SELE: variants seen among roughly 807,000 people sequenced by gnomAD.
SELE encodes E-selectin.
SELE carries 52 observed loss-of-function variants against 75.8 expected under a neutral mutation model. That is an observed-to-expected ratio of 0.69 (90% CI 0.55 to 0.86). The LOEUF is 0.86. Among genes scored for constraint, SELE ranks in the 40% least tolerant of loss-of-function variants. SELE has a pLI of 0.00. For missense variants in SELE, 754 were observed against 732.7 expected, an observed-to-expected ratio of 1.03 and a Z score of -0.34; for synonymous variants, 285 against 258.7, an observed-to-expected ratio of 1.10 and a Z score of -0.98.
At position 169,729,329 on chromosome 1, in the gene SELE, C is replaced by T; in HGVS notation, c.947G>A (p.Arg316Lys). The change falls in exon 7 of 14, where the codon AGG becomes AAG. Residue 316 changes from arginine to lysine, a missense_variant. Physicochemically the swap from Arg to Lys is conservative, Grantham distance 26 (BLOSUM62 2). Coordinates refer to ENST00000333360, the MANE Select transcript of SELE (RefSeq NM_000450.2). ...AVRQPQNGSVRCSHSPAGEFT... is the reference protein window; with the variant it reads ...AVRQPQNGSVKCSHSPAGEFT... ...CTCTCCAGCAGGGGAATGGCTGCAC[C>T]TCACAGAGCCATTCTGAGGCTGGCG... is the stretch of plus-strand genomic sequence containing the variant. 1.2e-6 allele frequency: 2 copies of T among 1,614,056 alleles called. No individual in the cohort carries two copies. Among genetic ancestry groups the T allele is most frequent in the South Asian group, 2.2e-5 (2 of 91,080 alleles).
intron 13 of SELE, 55 bp downstream of exon 13, chr1:169,725,674 A>G (rs1030678727): frequency 6.9e-7 from 1 of 1,454,200 alleles, no homozygotes; most frequent in African/African-American, 1.4e-5. Flanking sequence ...AAGGAGAAAC[A>G]GAGCATGTAG....
chr1:169,729,512 C>A lies in SELE; in HGVS notation c.877G>T (p.Asp293Tyr). The change falls in exon 6 of 14, where the codon GAC (aspartate) becomes TAC (tyrosine). Residue 293 changes from aspartate (D) to tyrosine (Y), a missense_variant. Transcript: ENST00000333360. ...SLQCTSSGNW[D>Y]NEKPTCKAVT... is the part of the protein sequence containing the mutation. The stretch of plus-strand genomic sequence containing the variant: ...CCTTTACACGTTGGCTTCTCGTTGT[C>A]CCAATTCCCAGATGAGGTACACTGA... The A allele has an allele frequency of 6.2e-7, 1 of 1,614,122 alleles. No individual in the cohort carries two copies. The highest frequency in any genetic ancestry group is 8.5e-7 in the Non-Finnish European group (1 of 1,179,982).
rs202228237 is a variant in SELE, at chr1:169,730,509, C to G, written c.638G>C (p.Gly213Ala). Residue 213 changes from glycine to alanine, a missense_variant, in exon 5 of 14, where the codon GGT becomes GCT. Gly to Ala is a moderately conservative substitution (Grantham distance 60). Transcript: ENST00000333360. Reference protein sequence around the residue: ...NSSCSISCDRGYLPSSMETMQ... With the variant: ...NSSCSISCDRAYLPSSMETMQ... ...GGTCTCCATGCTGCTTGGCAGGTAA[C>G]CCCTATCACAGCTGATAGAGCAGGA... is the stretch of plus-strand genomic sequence containing the variant. 6.2e-7 allele frequency: 1 copy of G among 1,613,946 alleles called. No individual in the cohort carries two copies. The highest frequency in any genetic ancestry group is 1.7e-5 in the Admixed American group (1 of 60,014).
rs1468291099 is a variant in SELE, at chr1:169,725,796, C to A, written c.1781G>T (p.Cys594Phe). ...KAKKFVPASS[C>F]QSLESDGSYQ... ...GCTTCCATCTGATTCAAGGCTTTGG[C>A]AGCTGCTGTGGAATACATGAGAACA... The change falls in exon 13 of 14, where the codon TGC (cysteine) becomes TTC (phenylalanine). Residue 594 changes from cysteine to phenylalanine, a missense_variant. Physicochemically the swap from Cys to Phe is radical, Grantham distance 205. Transcript: ENST00000333360. 1.9e-6 allele frequency: 3 copies of A among 1,614,050 alleles called. No individual in the cohort carries two copies. In the South Asian group the frequency reaches 3.3e-5, roughly 18 times the overall value.
chr1:169,732,424 G>GTA lies in SELE; in HGVS notation c.421+189_421+190dup, dbSNP rs1324395482. Among the ~76,000 whole-genome samples the GTA allele has an allele frequency of 2.7e-5, 4 of 146,142 alleles. No individual in the cohort carries two copies. The South Asian group carries it at 8.8e-4, about 32-fold the overall frequency. On this transcript the variant is annotated intron_variant, in intron 3 of 13. Transcript: ENST00000333360. Reference sequence around the variant, plus strand: ...TGTGTGTGTATATATGTGTGTGTGTGTATATATATACATATCCACATATTC... The same window carrying GTA: ...TGTGTGTGTATATATGTGTGTGTGTGTATATATATATACATATCCACATATTC...
At chr1:169,731,806 G>T in intron 4 of SELE, 29 bp downstream of exon 4, 1 of 1,489,144 alleles carries the variant, frequency 6.7e-7, no homozygotes, top group Non-Finnish European at 9.4e-7. Flanking sequence ...ACCATCTCAA[G>T]TGAAGAAAGA....
At chr1:169,730,372 A>G in intron 5 of SELE, 60 bp downstream of exon 5, 1 of 1,376,740 alleles carries the variant, frequency 7.3e-7, no homozygotes, top group African/African-American at 1.4e-5. Context: ...GTTGAATCAA[A>G]AAACAGAAGC....
intron 8 of SELE, 43 bp from the exon 9 acceptor site, chr1:169,727,970 C>G: frequency 6.3e-7 from 1 of 1,594,176 alleles, no homozygotes; most frequent in Admixed American, 1.8e-5. Flanking sequence ...GTTTGCATCT[C>G]CAGCAATACG....
Position 169,731,866 on chromosome 1 carries a change from G to T in SELE, c.498C>A (p.Asp166Glu). 1 of 1,613,508 alleles carries T rather than the reference G, an allele frequency of 6.2e-7. No individual in the cohort carries two copies. The highest frequency in any genetic ancestry group is 8.5e-7 in the Non-Finnish European group (1 of 1,179,482). The change falls in exon 4 of 14, where the codon GAC becomes GAA. Residue 166 changes from aspartate (D) to glutamate (E), a missense_variant. Physicochemically the swap from Asp to Glu is conservative, Grantham distance 45. Coordinates refer to ENST00000333360, the MANE Select transcript of SELE (RefSeq NM_000450.2). ...CACACTTGAGTCCACTGAAGCCAGG[G>T]TCACACTTGCAAGTGTAATTATTGA... is the stretch of plus-strand genomic sequence containing the variant. ...ETINNYTCKC[D>E]PGFSGLKCEQ...
At chr1:169,731,974 C>T (rs1361135158) in intron 3 of SELE, 32 bp from the exon 4 acceptor site, 1 of 1,403,814 alleles carries the variant, frequency 7.1e-7, no homozygotes, top group African/African-American at 1.4e-5. Flanking sequence ...ATGAGGAGGA[C>T]TATTACTGTG....
rs1469467726 is a variant in SELE at position 169,729,368 on chromosome 1, G to A, written c.908C>T (p.Thr303Ile). 6 of 1,613,608 alleles carry A rather than the reference G, an allele frequency of 3.7e-6. No homozygotes were observed. Among genetic ancestry groups the A allele is most frequent in the Non-Finnish European group, 3.4e-6 (4 of 1,179,770 alleles). The part of the protein sequence containing the change: ...DNEKPTCKAV[T>I]CRAVRQPQNG... ...CTGAGGCTGGCGGACGGCCCTGCAT[G>A]TCACAGCTGTAACAAATATACGCAT... Residue 303 changes from threonine to isoleucine, a missense_variant, in exon 7 of 14, where the codon ACA becomes ATA. Thr to Ile is a moderately conservative substitution (Grantham distance 89). Coordinates refer to ENST00000333360, the MANE Select transcript of SELE (RefSeq NM_000450.2).
chr1:169,725,718 A>G lies in SELE; in HGVS notation c.*15+11T>C. ...CCTCTCTCATAACCATTTGTGATTTACAAGTCTTACCTGATTCTTTTGAAC... is the reference window on the plus strand; with the variant it reads ...CCTCTCTCATAACCATTTGTGATTTGCAAGTCTTACCTGATTCTTTTGAAC... On this transcript the variant is annotated intron_variant, in intron 13 of 13. Transcript: ENST00000333360. 6.2e-7 allele frequency: 1 copy of G among 1,607,274 alleles called. No individual in the cohort carries two copies. Among genetic ancestry groups the G allele is most frequent in the Non-Finnish European group, 8.5e-7 (1 of 1,173,988 alleles).
chr1:169,726,612 A>T, intron 11 of SELE, 87 bp downstream of exon 11: 1 of 922,004 alleles, frequency 1.1e-6, no homozygotes, highest in Non-Finnish European at 1.7e-6. Context: ...ATTATTGTTT[A>T]AATCAGTAAG....
Position 169,723,957 on chromosome 1 carries a change from A to T in SELE, c.*568T>A, listed in dbSNP as rs902627023. The T allele has an allele frequency of 2.0e-5, 3 of 152,232 alleles. No homozygotes were observed. Among genetic ancestry groups the T allele is most frequent in the African/African-American group, 4.8e-5 (2 of 41,458 alleles). 9.4% of individuals were successfully genotyped at this position (152,232 alleles called of 1,614,324 possible). A position where few individuals can be genotyped will look rare whatever the true frequency, so the allele number is the denominator to read the frequency against. ...TTAAATTGTGCATAGTAACCCTCGC[A>T]CAGAGCATTCAGTAGGATTTGCACC... is the stretch of plus-strand genomic sequence containing the variant. On this transcript the variant is annotated 3_prime_UTR_variant, in exon 14 of 14. Transcript: ENST00000333360.
rs1006496663 is a variant in SELE at position 169,729,232 on chromosome 1, T to C, written c.1044A>G (p.Glu348=). Residue 348 remains glutamate (E), a synonymous_variant, in exon 7 of 14, where the codon GAA becomes GAG. Transcript: ENST00000333360. The part of the protein sequence containing the change: ...GFMLQGPAQV[E]CTTQGQWTQQ... ...GTGTCCACTGCCCTTGAGTGGTGCA[T>C]TCAACCTGGGCTGGTCCCTGCAACA... 2 of 1,613,924 alleles carry C rather than the reference T, an allele frequency of 1.2e-6. No homozygotes were observed. The highest frequency in any genetic ancestry group is 1.3e-5 in the African/African-American group (1 of 74,914).
chr1:169,728,613 C>A (rs909216863), intron 7 of SELE, among the ~76,000 whole-genome samples: 4 of 152,200 alleles, frequency 2.6e-5, no homozygotes, highest in African/African-American at 7.2e-5. Context: ...GTCTGTTTTG[C>A]AGTTTGGTTT....
At chr1:169,730,802 TAAC>T (rs1380552424) in intron 4 of SELE, among the ~76,000 whole-genome samples, 185 bp from the exon 5 acceptor site, 2 of 151,616 alleles carry the variant, frequency 1.3e-5, no homozygotes, top group African/African-American at 4.8e-5. Context: ...TGCTGATCCA[TAAC>T]AACAACAACA....
At chr1:169,727,033 C>G (rs866031797) in intron 10 of SELE, among the ~76,000 whole-genome samples, 1 of 152,206 alleles carries the variant, frequency 6.6e-6, no homozygotes, top group Non-Finnish European at 1.5e-5. Context: ...TTGCCAAGCT[C>G]GTTCACAATA....
Position 169,732,630 on chromosome 1 carries a change from C to T in SELE, c.406G>A (p.Ala136Thr), listed in dbSNP as rs138813218. The T allele has an allele frequency of 2.5e-6, 4 of 1,600,476 alleles. No homozygotes were observed. Among genetic ancestry groups the T allele is most frequent in the Non-Finnish European group, 3.4e-6 (4 of 1,173,988 alleles). Residue 136 changes from alanine (A) to threonine (T), a missense_variant, in exon 3 of 14, where the codon GCC becomes ACC. Ala to Thr is a moderately conservative substitution (Grantham distance 58). Coordinates refer to ENST00000333360, the MANE Select transcript of SELE (RefSeq NM_000450.2). Reference sequence around the variant, plus strand: ...AACTCCCTACCTGTGTAGCATAGGGCAAGCTTCTTCTTGCTGCACCTCTCA... The same window carrying T: ...AACTCCCTACCTGTGTAGCATAGGGTAAGCTTCTTCTTGCTGCACCTCTCA... ...NDERCSKKKL[A>T]LCYTAACTNT...
Sources: allele counts gnomAD v4.1 joint callset (sites outside exome capture counted in the v4.1 genomes callset), GRCh38; gene constraint gnomAD v4.1.1; transcripts MANE v1.5; gene names NCBI Gene and HGNC (gene_info 2026-07-23, HGNC 2026-07-21).